Variants in UBAC2 observed in about 807,000 individuals in gnomAD.
UBAC2 encodes the protein ubiquitin-associated domain-containing protein 2.
UBAC2 carries 26 observed loss-of-function variants against 44.0 expected under a neutral mutation model. That is an observed-to-expected ratio of 0.59 (90% CI 0.43 to 0.82). UBAC2 has a LOEUF of 0.82. Among genes scored for constraint, UBAC2 ranks in the 40% least tolerant of loss-of-function variants. The pLI, the probability that UBAC2 is intolerant of heterozygous loss-of-function variation, is 0.00. For synonymous variants in UBAC2, 155 were observed against 154.3 expected, an observed-to-expected ratio of 1.00 and a Z score of -0.04; for missense variants, 329 against 419.4, an observed-to-expected ratio of 0.78 and a Z score of 1.88.
intron 4 of UBAC2, among the ~76,000 whole-genome samples, chr13:99,277,355 G>A (rs919406913): frequency 1.3e-5 from 2 of 151,844 alleles, no homozygotes; most frequent in African/African-American, 2.4e-5. Context: ...GAGAAACCCC[G>A]TCTCTACTAA....
At chr13:99,297,755 A>C (rs1447945597) in intron 4 of UBAC2, among the ~76,000 whole-genome samples, 2 of 152,122 alleles carry the variant, frequency 1.3e-5, no homozygotes, top group African/African-American at 4.8e-5. Flanking sequence ...TGTCACAACA[A>C]ACTTAAATGG....
chr13:99,262,781 G>A (rs1443845025), intron 4 of UBAC2, among the ~76,000 whole-genome samples: 1 of 147,146 alleles, frequency 6.8e-6, no homozygotes, highest in African/African-American at 2.5e-5. Context: ...GTGTTATCAG[G>A]TTATTTAAAC....
At chr13:99,238,305 A>G in intron 1 of UBAC2, 122 bp from the exon 2 acceptor site, 2 of 1,310,764 alleles carry the variant, frequency 1.5e-6, no homozygotes, top group Non-Finnish European at 2.1e-6. Context: ...ACCAAATTTC[A>G]GAGTTTCTGG....
At chr13:99,302,438 A>G (rs1259527856) in intron 4 of UBAC2, among the ~76,000 whole-genome samples, 1 of 152,240 alleles carries the variant, frequency 6.6e-6, no homozygotes, top group Non-Finnish European at 1.5e-5. Context: ...CCTTGAGAAC[A>G]AACCTGCTCC....
At chr13:99,201,302 C>G (rs1286227019) in intron 1 of UBAC2, 1 of 1,476,700 alleles carries the variant, frequency 6.8e-7, no homozygotes, top group African/African-American at 1.4e-5. Context: ...GGGGCCGTCC[C>G]CCTTACCATG....
At chr13:99,374,315 T>A (rs2045450491) in intron 8 of UBAC2, among the ~76,000 whole-genome samples, 1 of 152,196 alleles carries the variant, frequency 6.6e-6, no homozygotes, top group Non-Finnish European at 1.5e-5. Flanking sequence ...GGTCTTCTTG[T>A]TTTGGGATCT....
At chr13:99,271,437 G>A (rs776008331) in intron 4 of UBAC2, among the ~76,000 whole-genome samples, 6 of 151,910 alleles carry the variant, frequency 3.9e-5, no homozygotes, top group Non-Finnish European at 7.3e-5. Flanking sequence ...ATGGGGGGAT[G>A]GGGTGTGGGA....
chr13:99,275,914 C>T (rs1002419517), intron 4 of UBAC2, among the ~76,000 whole-genome samples: 1 of 152,174 alleles, frequency 6.6e-6, no homozygotes, highest in Admixed American at 6.5e-5. Flanking sequence ...CTTCCCTGCT[C>T]ACCACCAATG....
At chr13:99,285,154 A>G (rs900609500) in intron 4 of UBAC2, among the ~76,000 whole-genome samples, 1 of 151,986 alleles carries the variant, frequency 6.6e-6, no homozygotes, top group African/African-American at 2.4e-5. Flanking sequence ...CTGTAATATT[A>G]TTTACTACTG....
At chr13:99,212,673 A>C (rs960176924) in intron 1 of UBAC2, among the ~76,000 whole-genome samples, 4 of 152,246 alleles carry the variant, frequency 2.6e-5, no homozygotes, top group African/African-American at 7.2e-5. Flanking sequence ...AGGGAAAAAA[A>C]CATAAATTTC....
At chr13:99,245,837 AAAAC>A (rs1479944227) in intron 4 of UBAC2, among the ~76,000 whole-genome samples, 1 of 152,132 alleles carries the variant, frequency 6.6e-6, no homozygotes, top group Non-Finnish European at 1.5e-5. Context: ...TCCGCCTCAA[AAAAC>A]AAACAAAATA....
chr13:99,375,574 T>C (rs2045468726), intron 8 of UBAC2, among the ~76,000 whole-genome samples: 1 of 151,662 alleles, frequency 6.6e-6, no homozygotes, highest in Non-Finnish European at 1.5e-5. Context: ...ATATGGGAAG[T>C]AAAAACCCAA....
intron 4 of UBAC2, chr13:99,308,020 C>T (rs1368817799): frequency 6.6e-6 from 1 of 152,066 alleles, no homozygotes; most frequent in African/African-American, 2.4e-5. Context: ...GAAGGGAGGC[C>T]CATTATAGAT....
intron 4 of UBAC2, among the ~76,000 whole-genome samples, chr13:99,283,217 C>T (rs1250030211): frequency 1.3e-5 from 2 of 152,118 alleles, no homozygotes; most frequent in Admixed American, 6.6e-5. Flanking sequence ...CAGAGAGCAA[C>T]TTGGTCTGTG....
intron 1 of UBAC2, among the ~76,000 whole-genome samples, chr13:99,203,087 G>A (rs979175190): frequency 1.3e-5 from 2 of 151,266 alleles, no homozygotes; most frequent in African/African-American, 4.9e-5. Flanking sequence ...GCCCAGGCTG[G>A]AGTGCAGTGG....
chr13:99,264,244 C>T (rs1261234232), intron 4 of UBAC2, among the ~76,000 whole-genome samples: 1 of 152,194 alleles, frequency 6.6e-6, no homozygotes, highest in African/African-American at 2.4e-5. Context: ...ACCTCAGGTT[C>T]CTCTTGGCCT....
At chr13:99,215,579 C>T (rs2042982783) in intron 1 of UBAC2, 2 of 1,374,058 alleles carry the variant, frequency 1.5e-6, no homozygotes, top group Non-Finnish European at 2.1e-6. Flanking sequence ...CGGTGAGGTA[C>T]TCCAGGATGG....
intron 4 of UBAC2, among the ~76,000 whole-genome samples, chr13:99,293,939 C>G (rs561196951): frequency 6.6e-6 from 1 of 152,010 alleles, no homozygotes; most frequent in Non-Finnish European, 1.5e-5. Flanking sequence ...GGTGTCATTG[C>G]CAACAGAGAA....
intron 7 of UBAC2, among the ~76,000 whole-genome samples, chr13:99,352,575 G>T (rs2045109912): frequency 6.6e-6 from 1 of 152,198 alleles, no homozygotes; most frequent in Non-Finnish European, 1.5e-5. Context: ...CACTCCACCA[G>T]ACCAGTTTCT....
Sources: allele counts gnomAD v4.1 joint callset (sites outside exome capture counted in the v4.1 genomes callset), GRCh38; gene constraint gnomAD v4.1.1; transcripts MANE v1.5; gene names NCBI Gene and HGNC (gene_info 2026-07-23, HGNC 2026-07-21).